The following RASSF3 variants were observed in gnomAD, a reference collection of about 807,000 sequenced individuals.
RASSF3 encodes ras association domain-containing protein 3.
Under a neutral mutation model 19.9 loss-of-function variants are expected in RASSF3, and 19 were observed. That is an observed-to-expected ratio of 0.96 (90% CI 0.67 to 1.40). RASSF3 has a LOEUF of 1.40. Ranked by LOEUF, RASSF3 falls within the 40% of genes most tolerant of loss-of-function variation. The pLI, the probability that RASSF3 is intolerant of heterozygous loss-of-function variation, is 0.00. For missense variants in RASSF3, 306 were observed against 289.8 expected (o/e 1.06, Z -0.41); for synonymous variants, 110 against 104.2 (o/e 1.06, Z -0.34).
intron 1 of RASSF3, among the ~76,000 whole-genome samples, chr12:64,664,913 T>A (rs17100540): frequency 0.013 from 2,034 of 152,310 alleles, 43 homozygotes; most frequent in African/African-American, 0.047. Flanking sequence ...TCTAAAACTA[T>A]TGAAGGCTAT....
At chr12:64,541,818 G>T (rs558208702), downstream of RASSF3, 41 of 395,530 alleles carry the variant, frequency 1.0e-4, no homozygotes, top group East Asian at 1.3e-3. Flanking sequence ...TCAGAGGATC[G>T]AGCTCAGGTT....
rs562932963 is a variant in RASSF3 at position 64,527,934 on chromosome 12, CAAAA to C, written c.170-13644_170-13641del. Among the ~76,000 whole-genome samples, 91 of 151,116 alleles carry C rather than the reference CAAAA, an allele frequency of 6.0e-4. No homozygotes were observed. In the Middle Eastern group the frequency reaches 0.014, roughly 23 times the overall value. On this transcript the variant is annotated intron_variant, in intron 1 of 5. Transcript: ENST00000637125. Reference sequence around the variant, plus strand: ...TGGGTGACAAAGCGACACTCTGTCTCAAAAAATAAATAAATAAATTTAAATTTTA... The same window carrying C: ...TGGGTGACAAAGCGACACTCTGTCTCAATAAATAAATAAATTTAAATTTTA...
chr12:64,684,579 G>T (rs1873272459), intron 1 of RASSF3, among the ~76,000 whole-genome samples: 1 of 151,870 alleles, frequency 6.6e-6, no homozygotes, highest in Non-Finnish European at 1.5e-5. Flanking sequence ...TTACAAGCGT[G>T]CGCCACCATG....
intron 1 of RASSF3, chr12:64,515,535 T>A (rs899579238): frequency 6.6e-6 from 1 of 152,128 alleles, no homozygotes; most frequent in Non-Finnish European, 1.5e-5. Flanking sequence ...CATTTACTTC[T>A]TGAGTCCTAC....
At chr12:64,543,003 GCCCCGCACTT>G (rs1390034570), downstream of RASSF3, among the ~76,000 whole-genome samples, 9 of 80,428 alleles carry the variant, frequency 1.1e-4, no homozygotes, top group Non-Finnish European at 2.3e-4. Flanking sequence ...GCTTGGCGGG[GCCCCGCACTT>G]GGAGTGGCGG....
intron 3 of RASSF3, among the ~76,000 whole-genome samples, chr12:64,690,175 A>T (rs543455495): frequency 2.2e-4 from 33 of 148,248 alleles, no homozygotes; most frequent in South Asian, 4.3e-4. Context: ...ATTTTTTTTT[A>T]AATTTGTTTT....
At chr12:64,576,771 A>G (rs921220705) in intron 2 of RASSF3, among the ~76,000 whole-genome samples, 3 of 150,438 alleles carry the variant, frequency 2.0e-5, no homozygotes, top group African/African-American at 7.3e-5. Flanking sequence ...TGGGAGCCTC[A>G]GCCTGGGAGG....
At chr12:64,672,156 C>T (rs1291111191) in intron 1 of RASSF3, among the ~76,000 whole-genome samples, 2 of 151,968 alleles carry the variant, frequency 1.3e-5, no homozygotes, top group African/African-American at 4.8e-5. Context: ...AGTAATATCA[C>T]CCCAAGCATT....
chr12:64,537,580 G>C (rs1565835037), intron 1 of RASSF3, among the ~76,000 whole-genome samples: 1 of 152,120 alleles, frequency 6.6e-6, no homozygotes, highest in Non-Finnish European at 1.5e-5. Flanking sequence ...CCCTCCTGAA[G>C]ACTCACACGT....
intron 2 of RASSF3, among the ~76,000 whole-genome samples, chr12:64,560,253 G>A (rs1475029568): frequency 1.3e-5 from 2 of 152,192 alleles, no homozygotes; most frequent in African/African-American, 4.8e-5. Flanking sequence ...TGAGCATTTA[G>A]GCATCTCTAG....
chr12:64,546,247 G>A (rs1869052613), downstream of RASSF3, among the ~76,000 whole-genome samples: 1 of 152,062 alleles, frequency 6.6e-6, no homozygotes, highest in African/African-American at 2.4e-5. Flanking sequence ...CCCGAAGTGT[G>A]GTGCTGTAAT....
rs116535305 is a variant in RASSF3 at position 64,521,055 on chromosome 12, G to A, written c.169+13726G>A. Among the ~76,000 whole-genome samples, 681 of 152,268 alleles carry A rather than the reference G, an allele frequency of 4.5e-3. 10 individuals are homozygous for A. Among genetic ancestry groups the A allele is most frequent in the African/African-American group, 0.016 (655 of 41,546 alleles). ...TCATCTGTAGAAGGATGTGGAGACT[G>A]GGGTACCTCAACTAGTGCACAAGCT... On this transcript the variant is annotated intron_variant, in intron 1 of 5. Transcript: ENST00000637125.
intron 3 of RASSF3, among the ~76,000 whole-genome samples, chr12:64,688,687 G>T (rs1161575830): frequency 6.6e-6 from 1 of 152,066 alleles, no homozygotes; most frequent in Non-Finnish European, 1.5e-5. Context: ...GTGATTGGCA[G>T]TTACGAGTAT....
At chr12:64,573,211 T>A (rs925396721) in intron 2 of RASSF3, among the ~76,000 whole-genome samples, 6 of 152,112 alleles carry the variant, frequency 3.9e-5, no homozygotes, top group Non-Finnish European at 7.4e-5. Flanking sequence ...TAGTTGAGGC[T>A]GAGGTGGGAG....
At chr12:64,596,576 A>G (rs1354592029) in intron 2 of RASSF3, among the ~76,000 whole-genome samples, 1 of 152,150 alleles carries the variant, frequency 6.6e-6, no homozygotes, top group Non-Finnish European at 1.5e-5. Flanking sequence ...TTCACAAACT[A>G]TGGTCAGAGC....
chr12:64,559,128 C>T (rs969391877), intron 2 of RASSF3, among the ~76,000 whole-genome samples: 1 of 152,182 alleles, frequency 6.6e-6, no homozygotes, highest in Non-Finnish European at 1.5e-5. Context: ...TCGGCGCTGA[C>T]CTGCGGAGGA....
chr12:64,649,930 T>TC (rs1871879889), intron 1 of RASSF3, among the ~76,000 whole-genome samples: 1 of 152,224 alleles, frequency 6.6e-6, no homozygotes, highest in African/African-American at 2.4e-5. Flanking sequence ...TTTTCCTTTT[T>TC]CCCACACTAA....
At chr12:64,586,814 T>C (rs1168380525) in intron 2 of RASSF3, among the ~76,000 whole-genome samples, 1 of 151,550 alleles carries the variant, frequency 6.6e-6, no homozygotes, top group East Asian at 2.0e-4. Context: ...TCTCAGCTAC[T>C]TGGGAGGCTG....
Position 64,661,418 on chromosome 12 carries a change from G to C in RASSF3, c.112-23369G>C, listed in dbSNP as rs149413565. On this transcript the variant is annotated intron_variant, in intron 1 of 4. Coordinates refer to ENST00000542104, the MANE Select transcript of RASSF3 (RefSeq NM_178169.4). ...GAGGATCACTTGAGCCCAGGAATTT[G>C]AGGCAGCTGTAAGCTGTGATTGCCA... Among the ~76,000 whole-genome samples the C allele has an allele frequency of 3.9e-5, 6 of 152,024 alleles. No individual in the cohort carries two copies. The East Asian group carries it at 1.2e-3, about 29-fold the overall frequency.
Sources: gnomAD v4.1 joint callset for allele counts (sites outside exome capture counted in the v4.1 genomes callset) on GRCh38, gnomAD v4.1.1 for gene constraint, MANE v1.5 for transcripts, NCBI Gene and HGNC (gene_info 2026-07-23, HGNC 2026-07-21) for gene names.